CSMD3: variants seen among roughly 807,000 people sequenced by gnomAD.
The protein encoded by CSMD3 is CUB and sushi domain-containing protein 3.
Under a neutral mutation model 435.2 loss-of-function variants are expected in CSMD3, and 177 were observed. That is an observed-to-expected ratio of 0.41 (90% CI 0.36 to 0.46). CSMD3 has a LOEUF of 0.46. Ranked by LOEUF, CSMD3 falls within the 20% of genes least tolerant of loss-of-function variation. CSMD3 has a pLI of 0.34. For missense variants in CSMD3, 4,265 were observed against 4,504.6 expected (o/e 0.95, Z 1.52); for synonymous variants, 1,656 against 1,520.5 (o/e 1.09, Z -2.07).
chr8:113,011,844 T>A (rs1389526367), intron 6 of CSMD3, among the ~76,000 whole-genome samples: 3 of 151,930 alleles, frequency 2.0e-5, no homozygotes, highest in Admixed American at 2.0e-4. Context: ...ATAGATCATT[T>A]TGATTATTAA....
chr8:113,172,649 C>T (rs1026508722), intron 4 of CSMD3, among the ~76,000 whole-genome samples: 2 of 152,274 alleles, frequency 1.3e-5, no homozygotes, highest in East Asian at 3.9e-4. Flanking sequence ...AGGTAACTCA[C>T]ATGGCAATTG....
At position 112,505,406 on chromosome 8, in the gene CSMD3, T is replaced by A. The variant is rs184237905; in HGVS notation, c.4895+1285A>T. The stretch of plus-strand genomic sequence containing the variant: ...TCTGAGATAAAACACAACTTCTGAA[T>A]TTCATCTCTTCCAACATTAAACTTT... On this transcript the variant is annotated intron_variant, in intron 29 of 70. Coordinates refer to ENST00000297405, the MANE Select transcript of CSMD3 (RefSeq NM_198123.2). 1.7e-4 allele frequency among the ~76,000 whole-genome samples: 26 copies of A among 152,288 alleles called. No individual in the cohort carries two copies. The East Asian group carries it at 5.0e-3, about 29-fold the overall frequency.
chr8:112,781,145 C>T (rs2078374958), intron 13 of CSMD3, among the ~76,000 whole-genome samples: 1 of 151,608 alleles, frequency 6.6e-6, no homozygotes, highest in Non-Finnish European at 1.5e-5. Context: ...CTCCTAAAGT[C>T]CCTGATTCCA....
At chr8:112,769,988 G>C (rs2132189639) in intron 13 of CSMD3, among the ~76,000 whole-genome samples, 1 of 152,026 alleles carries the variant, frequency 6.6e-6, no homozygotes, top group South Asian at 2.1e-4. Flanking sequence ...TCTACTAAAA[G>C]CAAGTTGTAT....
chr8:112,792,837 A>G (rs1466614032), intron 13 of CSMD3, among the ~76,000 whole-genome samples: 2 of 152,044 alleles, frequency 1.3e-5, no homozygotes, highest in African/African-American at 2.4e-5. Flanking sequence ...TTGAAAATCA[A>G]TTGGCCATAA....
intron 22 of CSMD3, among the ~76,000 whole-genome samples, chr8:112,628,218 C>T (rs1834648325): frequency 6.6e-6 from 1 of 152,026 alleles, no homozygotes; most frequent in South Asian, 2.1e-4. Flanking sequence ...AGCTATTTTC[C>T]CTGTTAAGCT....
intron 4 of CSMD3, 130 bp from the exon 5 acceptor site, chr8:113,099,093 C>A (rs2090254104): frequency 1.5e-6 from 1 of 677,354 alleles, no homozygotes; most frequent in South Asian, 1.6e-5. Flanking sequence ...GCATAATATA[C>A]TAATAGAGAT....
chr8:112,339,352 C>G (rs1372719182), intron 42 of CSMD3, among the ~76,000 whole-genome samples: 1 of 151,960 alleles, frequency 6.6e-6, no homozygotes, highest in Non-Finnish European at 1.5e-5. Flanking sequence ...AGACTGATTG[C>G]GGGCTACCAC....
chr8:112,491,764 T>A (rs911255492), intron 31 of CSMD3, among the ~76,000 whole-genome samples: 14 of 152,224 alleles, frequency 9.2e-5, no homozygotes, highest in Non-Finnish European at 1.9e-4. Context: ...ATTATAAAAA[T>A]GCTGGTCACA....
rs375660185 is a variant in CSMD3, at chr8:112,383,683, G to C, written c.5935-20C>G. On this transcript the variant is annotated intron_variant, in intron 36 of 70. Coordinates refer to ENST00000297405, the MANE Select transcript of CSMD3 (RefSeq NM_198123.2). The stretch of plus-strand genomic sequence containing the variant: ...TTGCACCTGTGAAATAATAATTACA[G>C]GTAAGAATACACATTTCTAACCAGA... The C allele has an allele frequency of 1.3e-4, 187 of 1,409,578 alleles. No individual in the cohort carries two copies. The African/African-American group carries it at 2.3e-3, about 18-fold the overall frequency. 87.3% of individuals were successfully genotyped at this position (1,409,578 alleles called of 1,614,324 possible). A position where few individuals can be genotyped will look rare whatever the true frequency, so the allele number is the denominator to read the frequency against.
intron 3 of CSMD3, among the ~76,000 whole-genome samples, chr8:113,230,249 T>C (rs1290696070): frequency 1.3e-5 from 2 of 151,692 alleles, no homozygotes; most frequent in Non-Finnish European, 3.0e-5. Context: ...CAACATAACA[T>C]CTGTTGATTT....
At chr8:112,490,985 C>T (rs911642396) in intron 31 of CSMD3, among the ~76,000 whole-genome samples, 3 of 151,936 alleles carry the variant, frequency 2.0e-5, no homozygotes, top group Non-Finnish European at 4.4e-5. Flanking sequence ...AAAAATTAAC[C>T]AGCTGTTCTG....
rs543441947 is a variant in CSMD3 at position 113,360,616 on chromosome 8, CA to C, written c.179-45824del. ...TGAGACGGAGTCTCGCTCTGTCGCC[CA>C]GGCTGGAGTGCAGTGGCGAGATCTC... On this transcript the variant is annotated intron_variant, in intron 1 of 70. Transcript: ENST00000297405. 5.0e-5 allele frequency among the ~76,000 whole-genome samples: 7 copies of C among 141,060 alleles called. No homozygotes were observed. The East Asian group carries it at 1.5e-3, about 31-fold the overall frequency. 92.5% of individuals were successfully genotyped at this position (141,060 alleles called of 152,430 possible).
intron 5 of CSMD3, among the ~76,000 whole-genome samples, chr8:113,056,916 G>A (rs963411348): frequency 2.6e-5 from 4 of 152,012 alleles, no homozygotes; most frequent in East Asian, 1.9e-4. Flanking sequence ...TCTGGTCTTC[G>A]TTTACTCTCT....
At chr8:113,116,200 G>C (rs1174351684) in intron 4 of CSMD3, among the ~76,000 whole-genome samples, 3 of 152,156 alleles carry the variant, frequency 2.0e-5, no homozygotes, top group African/African-American at 7.2e-5. Context: ...ATCTCATCTT[G>C]AATTGTAGTT....
At chr8:113,050,195 T>C (rs1323204326) in intron 5 of CSMD3, among the ~76,000 whole-genome samples, 9 of 152,058 alleles carry the variant, frequency 5.9e-5, no homozygotes, top group Non-Finnish European at 4.4e-5. Flanking sequence ...ATATATCTAG[T>C]TTCCATGACT....
At chr8:112,784,801 A>T (rs931132762) in intron 13 of CSMD3, among the ~76,000 whole-genome samples, 5 of 152,020 alleles carry the variant, frequency 3.3e-5, no homozygotes, top group Admixed American at 6.6e-5. Flanking sequence ...AAAACTTGGG[A>T]CCCAATGGAT....
At chr8:113,128,625 GT>G (rs2091204594) in intron 4 of CSMD3, among the ~76,000 whole-genome samples, 1 of 151,882 alleles carries the variant, frequency 6.6e-6, no homozygotes, top group East Asian at 1.9e-4. Context: ...CAAAAAAGAA[GT>G]TAATATGTTT....
At chr8:112,739,444 C>A (rs2077255827) in intron 13 of CSMD3, among the ~76,000 whole-genome samples, 1 of 151,886 alleles carries the variant, frequency 6.6e-6, no homozygotes, top group Admixed American at 6.6e-5. Context: ...ATTATTTCCA[C>A]AAATAGTTTT....
Sources: gnomAD v4.1 joint callset for allele counts (sites outside exome capture counted in the v4.1 genomes callset) on GRCh38, gnomAD v4.1.1 for gene constraint, MANE v1.5 for transcripts, NCBI Gene and HGNC (gene_info 2026-07-23, HGNC 2026-07-21) for gene names.